The following AGO2 variants were observed in gnomAD, a reference collection of about 807,000 sequenced individuals.
AGO2 encodes the protein protein argonaute-2.
In AGO2, 5 loss-of-function variants were observed where a neutral mutation model predicts 102.3. The observed-to-expected ratio is 0.05, with a 90% CI of 0.03 to 0.10. The LOEUF (loss-of-function observed/expected upper bound fraction) is 0.10, where lower values mean the gene tolerates loss of function less well. AGO2 is among the 10% of genes least tolerant of loss of function. The pLI, the probability that AGO2 is intolerant of heterozygous loss-of-function variation, is 1.00. For missense variants in AGO2, 541 were observed against 1,183.7 expected (o/e 0.46, Z 7.97); for synonymous variants, 449 against 473.1 (o/e 0.95, Z 0.66).
Position 140,612,220 on chromosome 8 carries a change from CAAAAAAAAAAAAAAAAAAAAAA to C in AGO2, c.22+23243_22+23264del, listed in dbSNP as rs542472147. Among the ~76,000 whole-genome samples, 439 of 95,926 alleles carry C rather than the reference CAAAAAAAAAAAAAAAAAAAAAA, an allele frequency of 4.6e-3. 4 individuals are homozygous for C. Among genetic ancestry groups the C allele is most frequent in the Non-Finnish European group, 5.9e-3 (294 of 49,944 alleles). The allele number at this position is 95,926 out of a possible 152,430, so 62.9% of individuals were successfully genotyped here. On this transcript the variant is annotated intron_variant, in intron 1 of 18. Transcript: ENST00000220592. ...CCTGGCCAAGAGCGAGACTCTGTCT[CAAAAAAAAAAAAAAAAAAAAAA>C]AAAAAAAAAAAAAAAAAGACTTCTG... is the stretch of plus-strand genomic sequence containing the variant.
chr8:140,562,324 A>G, intron 4 of AGO2, 129 bp downstream of exon 4: 1 of 1,127,768 alleles, frequency 8.9e-7, no homozygotes, highest in South Asian at 1.6e-5. Context: ...TTCATCACAG[A>G]AAACCCACGT....
At chr8:140,579,280 A>G (rs886741939) in intron 2 of AGO2, among the ~76,000 whole-genome samples, 4 of 152,150 alleles carry the variant, frequency 2.6e-5, no homozygotes, top group Admixed American at 1.3e-4. Context: ...ACTCATTTCA[A>G]TCCCCATTCT....
intron 1 of AGO2, among the ~76,000 whole-genome samples, chr8:140,598,008 C>A (rs918345511): frequency 6.6e-6 from 1 of 152,218 alleles, no homozygotes; most frequent in African/African-American, 2.4e-5. Context: ...GGCTGTAGGG[C>A]GCACAGCTCT....
intron 13 of AGO2, 21 bp downstream of exon 13, chr8:140,547,447 G>A: frequency 6.2e-7 from 1 of 1,611,460 alleles, no homozygotes; most frequent in Non-Finnish European, 8.5e-7. Context: ...CGCAGGCGGA[G>A]GTAAAGGGGC....
Position 140,525,006 on chromosome 8 carries a change from T to C in AGO2, c.*7038A>G, listed in dbSNP as rs1160713398. ...CTGAACTACTTAAATCCAAGGAGGT[T>C]TTAAATAGGAGATAACTCAGCCTCT... On this transcript the variant is annotated 3_prime_UTR_variant, in exon 19 of 19. Coordinates refer to ENST00000220592, the MANE Select transcript of AGO2 (RefSeq NM_012154.5). 2 of 152,122 alleles carry C rather than the reference T, an allele frequency of 1.3e-5. No homozygotes were observed. Among genetic ancestry groups the C allele is most frequent in the Non-Finnish European group, 2.9e-5 (2 of 68,022 alleles). The allele number at this position is 152,122 out of a possible 1,614,324, so 9.4% of individuals were successfully genotyped here.
chr8:140,556,046 G>A (rs754567145), intron 9 of AGO2, 28 bp from the exon 10 acceptor site: 16 of 1,613,246 alleles, frequency 9.9e-6, no homozygotes, highest in African/African-American at 8.0e-5. Flanking sequence ...GAAAACGCAC[G>A]GAGTGGGTGG....
At chr8:140,560,054 G>A (rs1379746245) in intron 5 of AGO2, among the ~76,000 whole-genome samples, 2 of 152,344 alleles carry the variant, frequency 1.3e-5, no homozygotes, top group African/African-American at 2.4e-5. Context: ...CCAAGAGAGG[G>A]ACAGGCCACA....
intron 1 of AGO2, among the ~76,000 whole-genome samples, chr8:140,616,094 T>C (rs1412262306): frequency 6.6e-6 from 1 of 152,184 alleles, no homozygotes; most frequent in African/African-American, 2.4e-5. Flanking sequence ...CACATTCTTG[T>C]ACAAGAACCC....
At chr8:140,594,856 T>TGTGTGTGTGTGTGTGTGTGTG (rs2073802522) in intron 1 of AGO2, among the ~76,000 whole-genome samples, 1 of 151,954 alleles carries the variant, frequency 6.6e-6, no homozygotes, top group South Asian at 2.1e-4. Flanking sequence ...TGTGTGTGTA[T>TGTGTGTGTGTGTGTGTGTGTG]TTCTCTAATT....
intron 6 of AGO2, 65 bp downstream of exon 6, chr8:140,559,330 T>A: frequency 1.3e-6 from 2 of 1,587,690 alleles, no homozygotes; most frequent in Non-Finnish European, 1.7e-6. Context: ...CAAAATGCGG[T>A]CCCGGAGGCG....
rs2072512990 is a variant in AGO2, at chr8:140,526,719, A to G, written c.*5325T>C. The G allele has an allele frequency of 6.6e-6, 1 of 152,236 alleles. No homozygotes were observed. The highest frequency in any genetic ancestry group is 2.4e-5 in the African/African-American group (1 of 41,446). 9.4% of individuals were successfully genotyped at this position (152,236 alleles called of 1,614,324 possible). A position where few individuals can be genotyped will look rare whatever the true frequency, so the allele number is the denominator to read the frequency against. On this transcript the variant is annotated 3_prime_UTR_variant, in exon 19 of 19. Transcript: ENST00000220592. This position sits in a 1 kb window ranked among gnomAD's most constrained non-coding sequence, Gnocchi z 5.2. ...CTTCTGTAGTGATTTGGCTAAGCCA[A>G]TACATTCACTTTAGACAATAACATG... is the stretch of plus-strand genomic sequence containing the variant.
At chr8:140,564,806 A>G (rs774068407) in intron 3 of AGO2, among the ~76,000 whole-genome samples, 1 of 152,094 alleles carries the variant, frequency 6.6e-6, no homozygotes, top group African/African-American at 2.4e-5. Flanking sequence ...AGCTGTAACA[A>G]TATCATACAC....
rs73362388 is a variant in AGO2 at position 140,606,114 on chromosome 8, G to A, written c.23-20803C>T. On this transcript the variant is annotated intron_variant, in intron 1 of 18. Coordinates refer to ENST00000220592, the MANE Select transcript of AGO2 (RefSeq NM_012154.5). ...ACTTAGAAAGGTCTACTATAAGTAA[G>A]GTAAGATTTTTTCCATAATTAAATA... is the stretch of plus-strand genomic sequence containing the variant. Among the ~76,000 whole-genome samples, 525 of 152,294 alleles carry A rather than the reference G, an allele frequency of 3.4e-3. 4 individuals carry two copies. Among genetic ancestry groups the A allele is most frequent in the African/African-American group, 0.012 (491 of 41,560 alleles).
intron 1 of AGO2, among the ~76,000 whole-genome samples, chr8:140,599,761 C>CT (rs548757467): frequency 1.5e-4 from 23 of 152,230 alleles, no homozygotes; most frequent in African/African-American, 5.3e-4. Flanking sequence ...CTCAGTCTGT[C>CT]CCCAGGCTAG....
intron 1 of AGO2, among the ~76,000 whole-genome samples, chr8:140,590,664 G>A (rs1030772368): frequency 6.6e-6 from 1 of 152,210 alleles, no homozygotes; most frequent in Non-Finnish European, 1.5e-5. Context: ...TCTGCATCAG[G>A]AAGGAAGAGT....
At chr8:140,560,991 A>C (rs1374713148) in intron 4 of AGO2, among the ~76,000 whole-genome samples, 1 of 152,222 alleles carries the variant, frequency 6.6e-6, no homozygotes, top group Non-Finnish European at 1.5e-5. Context: ...ATGACCCAGC[A>C]TCTGCCGGCT....
intron 1 of AGO2, among the ~76,000 whole-genome samples, chr8:140,593,382 G>C (rs1046478040): frequency 8.6e-5 from 13 of 151,412 alleles, no homozygotes; most frequent in African/African-American, 2.9e-4. Flanking sequence ...AGTAGGGACG[G>C]GGTTTCACCA....
intron 1 of AGO2, among the ~76,000 whole-genome samples, chr8:140,587,919 C>T (rs1182091535): frequency 1.3e-5 from 2 of 152,228 alleles, no homozygotes; most frequent in Non-Finnish European, 2.9e-5. Flanking sequence ...CTGGCTCCCA[C>T]TGCCTGTCCA....
chr8:140,620,095 A>T (rs2074199143), intron 1 of AGO2, among the ~76,000 whole-genome samples: 1 of 152,194 alleles, frequency 6.6e-6, no homozygotes. Flanking sequence ...CAGAATGTGA[A>T]GGGGCACGCT....
Sources: allele counts gnomAD v4.1 joint callset (sites outside exome capture counted in the v4.1 genomes callset), GRCh38; gene constraint gnomAD v4.1.1; non-coding constraint Gnocchi (gnomAD v3.1); transcripts MANE v1.5; gene names NCBI Gene and HGNC (gene_info 2026-07-23, HGNC 2026-07-21).